The following FNDC3A variants were observed in gnomAD, a reference collection of about 807,000 sequenced individuals.
FNDC3A encodes the protein fibronectin type-III domain-containing protein 3A.
In FNDC3A, 32 loss-of-function variants were observed where a neutral mutation model predicts 148.9. The ratio of observed to expected loss-of-function variants is 0.21; its 90% CI spans 0.16 to 0.29. The LOEUF (loss-of-function observed/expected upper bound fraction) is 0.29, where lower values mean the gene tolerates loss of function less well. Ranked by LOEUF, FNDC3A falls within the 10% of genes least tolerant of loss-of-function variation. The pLI, the probability that FNDC3A is intolerant of heterozygous loss-of-function variation, is 1.00. For missense variants in FNDC3A, 1,191 were observed against 1,452.8 expected, an observed-to-expected ratio of 0.82 and a Z score of 2.93; for synonymous variants, 472 against 473.6, an observed-to-expected ratio of 1.00 and a Z score of 0.04.
At chr13:49,166,288 C>T (rs1884457256) in intron 8 of FNDC3A, among the ~76,000 whole-genome samples, 1 of 152,184 alleles carries the variant, frequency 6.6e-6, no homozygotes. Flanking sequence ...TGAAGATGTG[C>T]AGCAGCTTCA....
chr13:49,089,585 C>G (rs1879051786), intron 3 of FNDC3A, among the ~76,000 whole-genome samples: 1 of 152,168 alleles, frequency 6.6e-6, no homozygotes, highest in South Asian at 2.1e-4. Context: ...GGCCACATGG[C>G]AAGAAATGTG....
chr13:49,071,046 G>A (rs865850882), intron 2 of FNDC3A, among the ~76,000 whole-genome samples: 93 of 137,462 alleles, frequency 6.8e-4, no homozygotes, highest in African/African-American at 2.1e-3. Flanking sequence ...CTACAGGCAT[G>A]TACCCCCATG....
intron 2 of FNDC3A, among the ~76,000 whole-genome samples, chr13:49,074,513 A>G (rs1352329318): frequency 6.6e-6 from 1 of 152,352 alleles, no homozygotes; most frequent in Admixed American, 6.5e-5. Context: ...GTTCACAATA[A>G]TGGTAAAATT....
At chr13:49,059,449 T>C (rs1224294443) in intron 2 of FNDC3A, among the ~76,000 whole-genome samples, 1 of 152,158 alleles carries the variant, frequency 6.6e-6, no homozygotes, top group Non-Finnish European at 1.5e-5. Flanking sequence ...AGAAACTGTT[T>C]TGTTTTTGTT....
chr13:49,144,626 C>T (rs1006902568), intron 7 of FNDC3A, among the ~76,000 whole-genome samples: 1 of 151,958 alleles, frequency 6.6e-6, no homozygotes, highest in African/African-American at 2.4e-5. Flanking sequence ...AGATTTTTTT[C>T]GCTTTAACAA....
intron 2 of FNDC3A, among the ~76,000 whole-genome samples, chr13:49,020,628 G>A (rs1873251368): frequency 6.6e-6 from 1 of 152,200 alleles, no homozygotes; most frequent in Non-Finnish European, 1.5e-5. Flanking sequence ...CCATTTTATG[G>A]ACCAACACAA....
At chr13:49,106,875 T>C (rs1045009993) in intron 3 of FNDC3A, among the ~76,000 whole-genome samples, 1 of 146,484 alleles carries the variant, frequency 6.8e-6, no homozygotes, top group East Asian at 2.0e-4. Context: ...AAAACATAAA[T>C]GAAAATGAGG....
Position 49,138,805 on chromosome 13 carries a change from G to T in FNDC3A, c.819G>T (p.Val273=). 6.9e-7 allele frequency: 1 copy of T among 1,451,930 alleles called. No individual in the cohort carries two copies. The highest frequency in any genetic ancestry group is 1.3e-5 in the South Asian group (1 of 78,016). 89.9% of individuals were successfully genotyped at this position (1,451,930 alleles called of 1,614,324 possible). A position where few individuals can be genotyped will look rare whatever the true frequency, so the allele number is the denominator to read the frequency against. ...TTCTTTCCAACATTGTCAAACCAGT[G>T]GTAAGTATCTTATGTATTTTATTGA... is the stretch of plus-strand genomic sequence containing the variant. The part of the protein sequence containing the change: ...EALLSNIVKP[V]ASDIQARTVV... The change falls in exon 7 of 26, where the codon GTG becomes GTT. Residue 273 remains valine, a splice_region_variant and synonymous_variant. Coordinates refer to ENST00000492622, the MANE Select transcript of FNDC3A (RefSeq NM_001079673.2).
chr13:49,070,218 G>A (rs1175225600), intron 2 of FNDC3A, among the ~76,000 whole-genome samples: 4 of 151,754 alleles, frequency 2.6e-5, no homozygotes, highest in Admixed American at 6.6e-5. Flanking sequence ...TGCAACCTCC[G>A]CCTCCTGGGT....
Position 49,131,307 on chromosome 13 carries a change from T to G in FNDC3A, c.423T>G (p.Thr141=). ...PPPRHMYSPV[T]GAGDMTTQYM... ...CACGTCATATGTACTCACCCGTGAC[T>G]GGAGCTGGAGACATGACAACACAGT... The change falls in exon 5 of 26, where the codon ACT becomes ACG. Residue 141 remains threonine, a synonymous_variant. Transcript: ENST00000492622. 6.2e-7 allele frequency: 1 copy of G among 1,614,118 alleles called. No individual in the cohort carries two copies. Among genetic ancestry groups the G allele is most frequent in the Non-Finnish European group, 8.5e-7 (1 of 1,180,016 alleles).
chr13:49,039,906 G>A (rs1296421145), intron 2 of FNDC3A, among the ~76,000 whole-genome samples: 1 of 152,094 alleles, frequency 6.6e-6, no homozygotes, highest in Non-Finnish European at 1.5e-5. Context: ...TAAAGACTAG[G>A]TTTCATCATG....
Position 49,207,990 on chromosome 13 carries a change from TTATAAA to T in FNDC3A, c.*600_*605del, listed in dbSNP as rs1011422790. The stretch of plus-strand genomic sequence containing the variant: ...TCTTTGATAAATGTGGAGTTCTTCA[TTATAAA>T]TATATATTCATGAATTCACAGATAA... On this transcript the variant is annotated 3_prime_UTR_variant, in exon 26 of 26. Transcript: ENST00000492622. The T allele has an allele frequency of 1.3e-5, 2 of 152,574 alleles. No homozygotes were observed. The highest frequency in any genetic ancestry group is 1.5e-5 in the Non-Finnish European group (1 of 68,016). The allele number at this position is 152,574 out of a possible 1,614,324, so 9.5% of individuals were successfully genotyped here.
At chr13:49,074,481 C>A (rs1877957749) in intron 2 of FNDC3A, among the ~76,000 whole-genome samples, 1 of 152,106 alleles carries the variant, frequency 6.6e-6, no homozygotes, top group African/African-American at 2.4e-5. Flanking sequence ...AAACTGCATA[C>A]CAAGACACTC....
intron 5 of FNDC3A, among the ~76,000 whole-genome samples, chr13:49,132,156 A>G (rs1257408623): frequency 6.6e-6 from 1 of 151,964 alleles, no homozygotes; most frequent in Admixed American, 6.6e-5. Flanking sequence ...ATTTTCTGAA[A>G]TTTTTTTTAC....
intron 10 of FNDC3A, among the ~76,000 whole-genome samples, chr13:49,171,019 G>A (rs1264140475): frequency 1.3e-5 from 2 of 152,058 alleles, no homozygotes; most frequent in Non-Finnish European, 2.9e-5. Flanking sequence ...TATCATAAGA[G>A]CTGGAGTTTC....
intron 4 of FNDC3A, among the ~76,000 whole-genome samples, chr13:49,124,594 T>C (rs958482996): frequency 4.6e-5 from 7 of 152,082 alleles, no homozygotes; most frequent in African/African-American, 1.7e-4. Context: ...ATAACCTCCA[T>C]AGCCATTTCT....
chr13:49,123,651 C>CAA (rs1039246100), intron 4 of FNDC3A, among the ~76,000 whole-genome samples: 1 of 134,858 alleles, frequency 7.4e-6, no homozygotes, highest in East Asian at 2.1e-4. Context: ...AACAAATTTA[C>CAA]AAAAAAAAAA....
At chr13:49,074,037 T>A (rs1877924370) in intron 2 of FNDC3A, among the ~76,000 whole-genome samples, 1 of 151,978 alleles carries the variant, frequency 6.6e-6, no homozygotes, top group African/African-American at 2.4e-5. Flanking sequence ...AAGGGTGTTC[T>A]CATAGACTAT....
chr13:49,078,056 A>G (rs1593558395), intron 3 of FNDC3A, among the ~76,000 whole-genome samples: 1 of 152,344 alleles, frequency 6.6e-6, no homozygotes, highest in African/African-American at 2.4e-5. Context: ...TTTTCAATAA[A>G]TACTGTTTAT....
Sources: gnomAD v4.1 joint callset for allele counts (sites outside exome capture counted in the v4.1 genomes callset) on GRCh38, gnomAD v4.1.1 for gene constraint, MANE v1.5 for transcripts, NCBI Gene and HGNC (gene_info 2026-07-23, HGNC 2026-07-21) for gene names.